The following STAG1 variants were observed in gnomAD, a reference collection of about 807,000 sequenced individuals.
The protein encoded by STAG1 is STAG1 cohesin complex component.
Under a neutral mutation model 170.9 loss-of-function variants are expected in STAG1, and 26 were observed. The ratio of observed to expected loss-of-function variants is 0.15; its 90% CI spans 0.11 to 0.21. The LOEUF (loss-of-function observed/expected upper bound fraction) is 0.21. Among genes scored for constraint, STAG1 ranks in the 10% least tolerant of loss-of-function variants. The pLI, the probability that STAG1 is intolerant of heterozygous loss-of-function variation, is 1.00. For missense variants in STAG1, 964 were observed against 1,509.5 expected (o/e 0.64, Z 5.99); for synonymous variants, 514 against 497.7 (o/e 1.03, Z -0.44).
At chr3:136,431,671 T>G (rs567092426) in intron 16 of STAG1, among the ~76,000 whole-genome samples, 1 of 152,350 alleles carries the variant, frequency 6.6e-6, no homozygotes, top group Non-Finnish European at 1.5e-5. Context: ...ACCTTCATCT[T>G]TGGAAGATAA....
chr3:136,459,446 G>A (rs372233085), intron 13 of STAG1, among the ~76,000 whole-genome samples: 4 of 152,168 alleles, frequency 2.6e-5, no homozygotes, highest in South Asian at 4.1e-4. Context: ...TCAGCAATGG[G>A]AAGATTATCC....
At chr3:136,354,607 AT>A (rs1428210244) in intron 28 of STAG1, among the ~76,000 whole-genome samples, 2 of 151,952 alleles carry the variant, frequency 1.3e-5, no homozygotes, top group Non-Finnish European at 1.5e-5. Context: ...CGGCCAGTAA[AT>A]TTTGATAAGA....
chr3:136,400,213 G>A (rs2087279151), intron 21 of STAG1, among the ~76,000 whole-genome samples: 1 of 151,158 alleles, frequency 6.6e-6, no homozygotes, highest in African/African-American at 2.4e-5. Flanking sequence ...CTGAGCCACG[G>A]TAACCAATTA....
intron 1 of STAG1, among the ~76,000 whole-genome samples, chr3:136,660,055 T>C (rs1040672799): frequency 2.0e-5 from 3 of 152,238 alleles, no homozygotes; most frequent in Admixed American, 1.3e-4. Flanking sequence ...TTTTTCAACA[T>C]ACATGCAGCA....
chr3:136,548,626 C>T (rs1458458725), intron 5 of STAG1, among the ~76,000 whole-genome samples: 1 of 152,172 alleles, frequency 6.6e-6, no homozygotes, highest in African/African-American at 2.4e-5. Flanking sequence ...GCAGTATGGA[C>T]ATTTTAACAA....
intron 2 of STAG1, among the ~76,000 whole-genome samples, chr3:136,623,812 G>A (rs946110235): frequency 1.2e-4 from 18 of 151,908 alleles, no homozygotes; most frequent in South Asian, 2.1e-4. Flanking sequence ...AAAATCAGCC[G>A]GGCATGGTGG....
intron 1 of STAG1, among the ~76,000 whole-genome samples, chr3:136,704,164 C>T (rs1029978166): frequency 2.0e-5 from 3 of 151,144 alleles, no homozygotes; most frequent in Non-Finnish European, 4.4e-5. Context: ...GATTCTCCTG[C>T]CTCAGCCTCC....
intron 6 of STAG1, among the ~76,000 whole-genome samples, chr3:136,538,860 G>T (rs1006739151): frequency 6.6e-6 from 1 of 152,090 alleles, no homozygotes; most frequent in Non-Finnish European, 1.5e-5. Context: ...TAGTGGCTGG[G>T]AGCGGTGCTC....
chr3:136,725,671 T>C (rs1233829155), intron 1 of STAG1, among the ~76,000 whole-genome samples: 1 of 152,088 alleles, frequency 6.6e-6, no homozygotes, highest in Non-Finnish European at 1.5e-5. Context: ...GCAATACAAA[T>C]AAAGGTAGAA....
At chr3:136,406,482 A>G (rs879742854) in intron 21 of STAG1, among the ~76,000 whole-genome samples, 7 of 152,206 alleles carry the variant, frequency 4.6e-5, no homozygotes, top group Non-Finnish European at 7.3e-5. Context: ...TATGGTGATG[A>G]CTACAAAAAT....
intron 1 of STAG1, among the ~76,000 whole-genome samples, chr3:136,688,111 C>G (rs1942598391): frequency 2.0e-5 from 3 of 152,066 alleles, no homozygotes; most frequent in Admixed American, 1.3e-4. Context: ...TGTTTTGATT[C>G]CAGGTTAACT....
chr3:136,475,640 T>C lies in STAG1; in HGVS notation c.1026+1649A>G, dbSNP rs117623701. Among the ~76,000 whole-genome samples, 509 of 152,304 alleles carry C rather than the reference T, an allele frequency of 3.3e-3. 8 individuals are homozygous for C. The East Asian group carries it at 0.048, about 14-fold the overall frequency. On this transcript the variant is annotated intron_variant, in intron 10 of 33. Transcript: ENST00000383202. ...GCTATGAGGTAAGACTCAATGGTGG[T>C]AGATGAAGTCTTGATAGTTCCTGAC...
At chr3:136,431,609 C>T (rs9845396) in intron 16 of STAG1, among the ~76,000 whole-genome samples, 1 of 152,126 alleles carries the variant, frequency 6.6e-6, no homozygotes, top group African/African-American at 2.4e-5. Context: ...GGAGATCTAG[C>T]AACACATTCT....
At chr3:136,736,142 GT>G (rs906202795) in intron 1 of STAG1, among the ~76,000 whole-genome samples, 1 of 152,192 alleles carries the variant, frequency 6.6e-6, no homozygotes, top group African/African-American at 2.4e-5. Flanking sequence ...TAAAAAATAT[GT>G]TTAACTGTAT....
Position 136,531,977 on chromosome 3 carries a change from T to G in STAG1, c.471+10142A>C, listed in dbSNP as rs1188064956. On this transcript the variant is annotated intron_variant, in intron 6 of 33. Coordinates refer to ENST00000383202, the MANE Select transcript of STAG1 (RefSeq NM_005862.3). ...TAATGATGCACCTCAGGAACTAGAG[T>G]AGGAAGAACAAACCAAATGCAAAAT... Among the ~76,000 whole-genome samples the G allele has an allele frequency of 2.2e-5, 3 of 135,696 alleles. No individual in the cohort carries two copies. In the East Asian group the frequency reaches 6.6e-4, roughly 30 times the overall value. 89.0% of individuals were successfully genotyped at this position (135,696 alleles called of 152,430 possible).
At chr3:136,477,167 T>C (rs1449787997) in intron 10 of STAG1, 122 bp downstream of exon 10, 2 of 1,070,430 alleles carry the variant, frequency 1.9e-6, no homozygotes, top group East Asian at 5.2e-5. Flanking sequence ...TTCAGCTGCA[T>C]CATCTTAAAA....
At chr3:136,742,346 T>C (rs766729581) in intron 1 of STAG1, among the ~76,000 whole-genome samples, 2 of 152,194 alleles carry the variant, frequency 1.3e-5, no homozygotes, top group Non-Finnish European at 2.9e-5. Flanking sequence ...ATTAAAATCA[T>C]AAAGATATGA....
chr3:136,528,077 C>T (rs971646844), intron 6 of STAG1, among the ~76,000 whole-genome samples: 4 of 152,186 alleles, frequency 2.6e-5, no homozygotes, highest in African/African-American at 7.2e-5. Context: ...AGATCTCAAA[C>T]TCCGTGCTGG....
At chr3:136,660,569 C>T (rs1046701279) in intron 1 of STAG1, among the ~76,000 whole-genome samples, 2 of 152,086 alleles carry the variant, frequency 1.3e-5, no homozygotes, top group Admixed American at 6.6e-5. Flanking sequence ...AAGGAAAATA[C>T]GTTGGGTAAC....
Sources: allele counts gnomAD v4.1 joint callset (sites outside exome capture counted in the v4.1 genomes callset), GRCh38; gene constraint gnomAD v4.1.1; transcripts MANE v1.5; gene names NCBI Gene and HGNC (gene_info 2026-07-23, HGNC 2026-07-21).